DCDC2: variants seen among roughly 807,000 people sequenced by gnomAD.
The protein encoded by DCDC2 is doublecortin domain containing 2.
A neutral mutation model predicts 50.2 loss-of-function variants in DCDC2; 40 were observed. That is an observed-to-expected ratio of 0.80 (90% confidence interval 0.62 to 1.04). The LOEUF (loss-of-function observed/expected upper bound fraction) is 1.04, where lower values mean the gene tolerates loss of function less well. Ranked by LOEUF, DCDC2 falls within the 50% of genes least tolerant of loss-of-function variation. The pLI is 0.00. For synonymous variants in DCDC2, 234 were observed against 210.6 expected (o/e 1.11, Z -0.96); for missense variants, 570 against 581.9 (o/e 0.98, Z 0.21).
At chr6:24,216,494 G>A (rs942430547) in intron 7 of DCDC2, among the ~76,000 whole-genome samples, 1 of 152,168 alleles carries the variant, frequency 6.6e-6, no homozygotes, top group Non-Finnish European at 1.5e-5. Context: ...CGGGGTTGTG[G>A]TATAAGAAAA....
intron 6 of DCDC2, among the ~76,000 whole-genome samples, chr6:24,281,678 G>T (rs1331885620): frequency 6.6e-6 from 1 of 151,936 alleles, no homozygotes; most frequent in African/African-American, 2.4e-5. Context: ...AAGGGAGAGA[G>T]GGAGCTTTTT....
chr6:24,241,609 T>C (rs1228243032), intron 7 of DCDC2, among the ~76,000 whole-genome samples: 2 of 152,234 alleles, frequency 1.3e-5, no homozygotes, highest in African/African-American at 4.8e-5. Context: ...AACCACTATT[T>C]TTCCATATTC....
intron 8 of DCDC2, among the ~76,000 whole-genome samples, chr6:24,179,209 C>T (rs1366149346): frequency 6.6e-6 from 1 of 152,082 alleles, no homozygotes; most frequent in Non-Finnish European, 1.5e-5. Flanking sequence ...ACTGATTTTC[C>T]TGCAGATCTA....
the DCDC2 span, among the ~76,000 whole-genome samples, chr6:24,366,134 T>C: frequency 2.0e-5 from 3 of 152,204 alleles, no homozygotes; most frequent in Non-Finnish European, 2.9e-5. Context: ...AATCATTTAC[T>C]ACTTTCTTTA....
At position 24,306,573 on chromosome 6, in the gene DCDC2, GA is replaced by G. The variant is rs1286790401; in HGVS notation, c.349-4530del. On this transcript the variant is annotated intron_variant, in intron 2 of 9. Transcript: ENST00000378454. ...AGACAGACAGACAGACAGACAGACA[GA>G]CAAAATATTTCTTGGAAATATTTCC... 3.1e-3 allele frequency among the ~76,000 whole-genome samples: 456 copies of G among 149,322 alleles called. 5 individuals are homozygous for G. Among genetic ancestry groups the G allele is most frequent in the African/African-American group, 9.5e-3 (378 of 39,718 alleles).
At chr6:24,351,343 T>C (rs1053543890) in intron 2 of DCDC2, among the ~76,000 whole-genome samples, 5 of 152,092 alleles carry the variant, frequency 3.3e-5, no homozygotes, top group Admixed American at 1.3e-4. Flanking sequence ...GAGGAAACTT[T>C]AGGACAGGAG....
intron 2 of DCDC2, among the ~76,000 whole-genome samples, chr6:24,312,269 C>T (rs776763729): frequency 1.3e-5 from 2 of 152,086 alleles, no homozygotes; most frequent in Non-Finnish European, 2.9e-5. Flanking sequence ...GATTAAAAAG[C>T]TTTATTGCTC....
chr6:24,292,992 A>G (rs1222067670), intron 4 of DCDC2, among the ~76,000 whole-genome samples: 1 of 152,244 alleles, frequency 6.6e-6, no homozygotes, highest in Non-Finnish European at 1.5e-5. Context: ...AAATAGTTAT[A>G]TCTCAATCAG....
At position 24,172,412 on chromosome 6, in the gene DCDC2, A is replaced by G. The variant is rs1760798925; in HGVS notation, c.*2318T>C. 1 of 152,200 alleles carries G rather than the reference A, an allele frequency of 6.6e-6. No individual in the cohort carries two copies. Among genetic ancestry groups the G allele is most frequent in the South Asian group, 2.1e-4 (1 of 4,834 alleles). 9.4% of individuals were successfully genotyped at this position (152,200 alleles called of 1,614,324 possible). ...ATTACCCCCTTGAAGTATATTTAAA[A>G]TACCAAACGTTATTATTCATGTAAA... On this transcript the variant is annotated 3_prime_UTR_variant, in exon 10 of 10. Transcript: ENST00000378454.
At chr6:24,190,576 A>T (rs1761293073) in intron 8 of DCDC2, among the ~76,000 whole-genome samples, 1 of 152,224 alleles carries the variant, frequency 6.6e-6, no homozygotes, top group Admixed American at 6.5e-5. Flanking sequence ...AATTTTCTCA[A>T]GTTAGAAGTA....
chr6:24,317,129 A>G (rs1581649041), intron 2 of DCDC2, among the ~76,000 whole-genome samples: 1 of 152,106 alleles, frequency 6.6e-6, no homozygotes, highest in African/African-American at 2.4e-5. Context: ...AAACTGAAAG[A>G]TAATTTTAAA....
At chr6:24,210,566 A>G (rs1280517078) in intron 7 of DCDC2, among the ~76,000 whole-genome samples, 2 of 152,116 alleles carry the variant, frequency 1.3e-5, no homozygotes, top group Non-Finnish European at 2.9e-5. Flanking sequence ...ATGTATCTCA[A>G]ATATATTCAT....
intron 1 of DCDC2, 160 bp downstream of exon 1, chr6:24,357,297 AC>A: frequency 5.2e-6 from 4 of 772,054 alleles, no homozygotes; most frequent in Non-Finnish European, 7.8e-6. Flanking sequence ...GTCAACCTCT[AC>A]CCCCCAACTG....
intron 7 of DCDC2, among the ~76,000 whole-genome samples, chr6:24,224,600 C>T (rs1312417126): frequency 2.0e-5 from 3 of 152,140 alleles, no homozygotes; most frequent in Non-Finnish European, 2.9e-5. Flanking sequence ...GTGGCAGAAG[C>T]CGGAAGGTAA....
chr6:24,231,115 G>A lies in DCDC2; in HGVS notation c.923-26013C>T, dbSNP rs1190860012. 3.9e-5 allele frequency among the ~76,000 whole-genome samples: 6 copies of A among 152,350 alleles called. No homozygotes were observed. The East Asian group carries it at 1.2e-3, about 29-fold the overall frequency. On this transcript the variant is annotated intron_variant, in intron 7 of 9. Coordinates refer to ENST00000378454, the MANE Select transcript of DCDC2 (RefSeq NM_016356.5). Reference sequence around the variant, plus strand: ...CAGAATTCCAAATGCAGAAATGGGAGCGATGAGAAGAGATGTTGCTGGGTG... The same window carrying A: ...CAGAATTCCAAATGCAGAAATGGGAACGATGAGAAGAGATGTTGCTGGGTG...
intron 2 of DCDC2, among the ~76,000 whole-genome samples, chr6:24,340,068 G>T (rs186236873): frequency 6.2e-4 from 95 of 152,254 alleles, no homozygotes; most frequent in African/African-American, 2.2e-3. Context: ...ACATTGCTTG[G>T]ATTGCATTAT....
chr6:24,190,149 G>A (rs1174763952), intron 8 of DCDC2, among the ~76,000 whole-genome samples: 1 of 151,692 alleles, frequency 6.6e-6, no homozygotes, highest in African/African-American at 2.4e-5. Context: ...TCAGAGACAT[G>A]ACCCTGTAAG....
At position 24,178,533 on chromosome 6, in the gene DCDC2, C is replaced by T; in HGVS notation, c.1123G>A (p.Glu375Lys). The T allele has an allele frequency of 1.2e-6, 2 of 1,614,184 alleles. No individual in the cohort carries two copies. The highest frequency in any genetic ancestry group is 1.7e-6 in the Non-Finnish European group (2 of 1,180,030). Residue 375 changes from glutamate (E) to lysine (K), a missense_variant, in exon 9 of 10, where the codon GAG becomes AAG. Coordinates refer to ENST00000378454, the MANE Select transcript of DCDC2 (RefSeq NM_016356.5). ...DFSGMNGDLE[E>K]EGGREATDAP... ...TCTGTAGCCTCCCTACCTCCTTCCT[C>T]TTCAAGGTCACCATTCATTCCTGAA...
At chr6:24,255,602 A>C (rs980242234) in intron 7 of DCDC2, among the ~76,000 whole-genome samples, 6 of 152,202 alleles carry the variant, frequency 3.9e-5, no homozygotes, top group African/African-American at 1.4e-4. Context: ...AAAAAGGCAA[A>C]CAATACAACA....
Sources: allele counts gnomAD v4.1 joint callset (sites outside exome capture counted in the v4.1 genomes callset), GRCh38; gene constraint gnomAD v4.1.1; transcripts MANE v1.5; gene names NCBI Gene and HGNC (gene_info 2026-07-23, HGNC 2026-07-21).